The following RNF180 variants were observed in gnomAD, a reference collection of about 807,000 sequenced individuals.
RNF180 encodes E3 ubiquitin-protein ligase RNF180.
A neutral mutation model predicts 59.2 loss-of-function variants in RNF180; 38 were observed. The observed-to-expected ratio is 0.64, with a 90% CI of 0.50 to 0.84. The LOEUF (loss-of-function observed/expected upper bound fraction) is 0.84. RNF180 is among the 40% of genes least tolerant of loss of function. RNF180 has a pLI of 0.00. For synonymous variants in RNF180, 262 were observed against 240.3 expected (o/e 1.09, Z -0.84); for missense variants, 705 against 700.9 (o/e 1.01, Z -0.07).
chr5:64,349,947 A>G (rs1188602713), intron 7 of RNF180, among the ~76,000 whole-genome samples: 1 of 151,092 alleles, frequency 6.6e-6, no homozygotes, highest in African/African-American at 2.4e-5. Context: ...CTTTGGGTAT[A>G]TACCCAGTGT....
intron 5 of RNF180, among the ~76,000 whole-genome samples, chr5:64,258,059 G>T (rs920063740): frequency 3.3e-5 from 5 of 152,184 alleles, no homozygotes; most frequent in Non-Finnish European, 7.3e-5. Flanking sequence ...GGTCAGAAGG[G>T]ATTTCTTCAT....
At chr5:64,256,506 G>GACAAAC (rs1743974105) in intron 5 of RNF180, among the ~76,000 whole-genome samples, 1 of 152,132 alleles carries the variant, frequency 6.6e-6, no homozygotes, top group South Asian at 2.1e-4. Flanking sequence ...AAGATCAGAT[G>GACAAAC]GTTGTAGGTG....
At chr5:64,306,570 A>G (rs550712385) in intron 5 of RNF180, among the ~76,000 whole-genome samples, 2 of 151,936 alleles carry the variant, frequency 1.3e-5, no homozygotes, top group South Asian at 4.1e-4. Context: ...ACTTGGAACC[A>G]ACCCAAATGT....
rs1227013409 is a variant in RNF180 at position 64,226,097 on chromosome 5, G to A, written c.1227+8701G>A. Among the ~76,000 whole-genome samples, 9 of 151,024 alleles carry A rather than the reference G, an allele frequency of 6.0e-5. 1 individual carries two copies. Among genetic ancestry groups the A allele is most frequent in the African/African-American group, 2.2e-4 (9 of 41,136 alleles). On this transcript the variant is annotated intron_variant, in intron 5 of 7. Coordinates refer to ENST00000389100, the MANE Select transcript of RNF180 (RefSeq NM_001113561.2). Reference sequence around the variant, plus strand: ...AAGTGAGGAGCGCCTCTGCCTGGCTGCCCCATCTGGGAAGTGAGGAGTGCC... The same window carrying A: ...AAGTGAGGAGCGCCTCTGCCTGGCTACCCCATCTGGGAAGTGAGGAGTGCC...
At chr5:64,304,048 T>C (rs1743306512) in intron 5 of RNF180, among the ~76,000 whole-genome samples, 1 of 151,564 alleles carries the variant, frequency 6.6e-6, no homozygotes. Context: ...GTTCTATAAA[T>C]GGAAGAACAA....
chr5:64,224,186 G>T (rs1017806660), intron 5 of RNF180, among the ~76,000 whole-genome samples: 1 of 151,380 alleles, frequency 6.6e-6, no homozygotes, highest in Non-Finnish European at 1.5e-5. Flanking sequence ...ATTTAAAGAG[G>T]TTTAGACTTG....
At chr5:64,306,832 G>C (rs907007565) in intron 5 of RNF180, among the ~76,000 whole-genome samples, 1 of 151,344 alleles carries the variant, frequency 6.6e-6, no homozygotes, top group Admixed American at 6.6e-5. Flanking sequence ...TGTGGGGTGG[G>C]GGGAGGAGGG....
chr5:64,305,019 AT>A (rs1251228686), intron 5 of RNF180, among the ~76,000 whole-genome samples: 2 of 151,620 alleles, frequency 1.3e-5, no homozygotes, highest in Non-Finnish European at 3.0e-5. Flanking sequence ...TCAGATGATC[AT>A]TAGTACTTTT....
At chr5:64,256,826 A>G (rs1355926919) in intron 5 of RNF180, among the ~76,000 whole-genome samples, 1 of 152,172 alleles carries the variant, frequency 6.6e-6, no homozygotes, top group Non-Finnish European at 1.5e-5. Flanking sequence ...GATTCTTCCT[A>G]TCCACAAGCA....
chr5:64,212,252 C>T, intron 3 of RNF180, 92 bp downstream of exon 3: 1 of 724,696 alleles, frequency 1.4e-6, no homozygotes, highest in African/African-American at 1.8e-5. Flanking sequence ...AGATGCATTC[C>T]TTGGCCAACC....
intron 5 of RNF180, among the ~76,000 whole-genome samples, chr5:64,237,880 T>C (rs756917142): frequency 3.9e-5 from 6 of 152,138 alleles, no homozygotes; most frequent in Non-Finnish European, 8.8e-5. Flanking sequence ...CCTGCTGCCA[T>C]GTACAATGTA....
chr5:64,222,146 G>A (rs940060207), intron 5 of RNF180, among the ~76,000 whole-genome samples: 11 of 152,056 alleles, frequency 7.2e-5, no homozygotes, highest in South Asian at 4.1e-4. Context: ...TTTGTAAAAG[G>A]CCCCTCAACT....
At chr5:64,338,656 G>A (rs1257554044) in intron 7 of RNF180, among the ~76,000 whole-genome samples, 1 of 151,330 alleles carries the variant, frequency 6.6e-6, no homozygotes, top group Non-Finnish European at 1.5e-5. Flanking sequence ...AAAAAGTAAT[G>A]CTTTTAATAT....
chr5:64,251,101 A>G (rs900272085), intron 5 of RNF180, among the ~76,000 whole-genome samples: 1 of 152,176 alleles, frequency 6.6e-6, no homozygotes, highest in African/African-American at 2.4e-5. Context: ...GAATGACAGA[A>G]AAAACATATT....
intron 5 of RNF180, among the ~76,000 whole-genome samples, chr5:64,268,886 C>T (rs181419158): frequency 6.6e-6 from 1 of 152,232 alleles, no homozygotes; most frequent in East Asian, 1.9e-4. Context: ...TCACAAGAGC[C>T]CTTCTCTGAA....
chr5:64,336,833 C>G (rs1745145990), intron 7 of RNF180, among the ~76,000 whole-genome samples: 2 of 151,994 alleles, frequency 1.3e-5, no homozygotes, highest in Non-Finnish European at 2.9e-5. Context: ...CAAATTTCTT[C>G]TGCCATTTTT....
chr5:64,237,318 G>T (rs1342474314), intron 5 of RNF180, among the ~76,000 whole-genome samples: 1 of 152,126 alleles, frequency 6.6e-6, no homozygotes, highest in African/African-American at 2.4e-5. Flanking sequence ...TTTATTGACT[G>T]CCCGGCCAGG....
At chr5:64,290,234 G>C (rs1742504525) in intron 5 of RNF180, among the ~76,000 whole-genome samples, 1 of 152,006 alleles carries the variant, frequency 6.6e-6, no homozygotes, top group African/African-American at 2.4e-5. Flanking sequence ...ATTTTGCTGT[G>C]GTCTGAAAGA....
chr5:64,334,080 T>A (rs1561267844), intron 7 of RNF180, among the ~76,000 whole-genome samples: 1 of 152,160 alleles, frequency 6.6e-6, no homozygotes, highest in Non-Finnish European at 1.5e-5. Flanking sequence ...AAGTAAGGAT[T>A]CACTCACTGT....
Sources: gnomAD v4.1 joint callset for allele counts (sites outside exome capture counted in the v4.1 genomes callset) on GRCh38, gnomAD v4.1.1 for gene constraint, MANE v1.5 for transcripts, NCBI Gene and HGNC (gene_info 2026-07-23, HGNC 2026-07-21) for gene names.